LRRC4C: variants seen among roughly 807,000 people sequenced by gnomAD.
The protein encoded by LRRC4C is leucine rich repeat containing 4C.
A neutral mutation model predicts 33.6 loss-of-function variants in LRRC4C; 5 were observed. That is an observed-to-expected ratio of 0.15 (90% CI 0.08 to 0.31). The LOEUF (loss-of-function observed/expected upper bound fraction) is 0.31, where lower values mean the gene tolerates loss of function less well. Among genes scored for constraint, LRRC4C ranks in the 10% least tolerant of loss-of-function variants. The pLI is 1.00. For synonymous variants in LRRC4C, 329 were observed against 302.0 expected (o/e 1.09, Z -0.93); for missense variants, 560 against 796.7 (o/e 0.70, Z 3.58).
At chr11:40,618,668 C>T (rs1467237923) in intron 3 of LRRC4C, among the ~76,000 whole-genome samples, 2 of 151,688 alleles carry the variant, frequency 1.3e-5, no homozygotes, top group African/African-American at 4.8e-5. Context: ...ATGAGCCTGC[C>T]ATGCTATCGC....
At chr11:40,226,281 C>A (rs903678315) in intron 5 of LRRC4C, among the ~76,000 whole-genome samples, 1 of 152,118 alleles carries the variant, frequency 6.6e-6, no homozygotes, top group Non-Finnish European at 1.5e-5. Context: ...AGTATTAGGC[C>A]AATACGTTCA....
intron 1 of LRRC4C, among the ~76,000 whole-genome samples, chr11:41,057,742 A>G (rs192946358): frequency 2.6e-4 from 40 of 152,268 alleles, no homozygotes; most frequent in African/African-American, 8.2e-4. Flanking sequence ...GCCTGCAGAG[A>G]GAAGCCATTC....
At chr11:40,870,148 C>T (rs1167084338) in intron 2 of LRRC4C, among the ~76,000 whole-genome samples, 2 of 152,136 alleles carry the variant, frequency 1.3e-5, no homozygotes, top group African/African-American at 4.8e-5. Context: ...AAGAAAACAA[C>T]AAGCCATGTG....
intron 1 of LRRC4C, among the ~76,000 whole-genome samples, chr11:41,121,704 T>C (rs1942440422): frequency 2.6e-5 from 4 of 151,914 alleles, no homozygotes; most frequent in Admixed American, 2.6e-4. Context: ...CAGGAGGGGG[T>C]TAGAACACAT....
intron 3 of LRRC4C, among the ~76,000 whole-genome samples, chr11:40,378,353 C>A (rs192937457): frequency 9.2e-5 from 14 of 152,012 alleles, no homozygotes; most frequent in Middle Eastern, 3.4e-3. Flanking sequence ...TTATCATAAT[C>A]ATAATTGAAG....
intron 1 of LRRC4C, among the ~76,000 whole-genome samples, chr11:41,328,141 C>T (rs1435468995): frequency 6.6e-6 from 1 of 152,156 alleles, no homozygotes; most frequent in Non-Finnish European, 1.5e-5. Flanking sequence ...CCCTACTACT[C>T]TGCCACATTG....
At chr11:40,929,232 T>C (rs1325380828) in intron 2 of LRRC4C, among the ~76,000 whole-genome samples, 1 of 152,142 alleles carries the variant, frequency 6.6e-6, no homozygotes, top group East Asian at 1.9e-4. Context: ...TTTTGGCAAA[T>C]ATGGCCATCC....
At chr11:40,151,013 A>C (rs1196607336) in intron 5 of LRRC4C, among the ~76,000 whole-genome samples, 1 of 152,128 alleles carries the variant, frequency 6.6e-6, no homozygotes, top group Admixed American at 6.5e-5. Context: ...CCCCACTGCC[A>C]TGCTCCATAT....
At chr11:41,066,506 G>A (rs533869409) in intron 1 of LRRC4C, among the ~76,000 whole-genome samples, 44 of 152,224 alleles carry the variant, frequency 2.9e-4, no homozygotes, top group African/African-American at 7.9e-4. Context: ...GGATATTATC[G>A]AGGAGAACTT....
At chr11:40,401,303 A>G (rs550908453) in intron 3 of LRRC4C, among the ~76,000 whole-genome samples, 1 of 151,954 alleles carries the variant, frequency 6.6e-6, no homozygotes, top group South Asian at 2.1e-4. Context: ...AAACATCTGA[A>G]TCTGCCTTTC....
intron 3 of LRRC4C, among the ~76,000 whole-genome samples, chr11:40,415,059 C>A (rs1406671885): frequency 6.6e-6 from 1 of 152,186 alleles, no homozygotes; most frequent in Admixed American, 6.5e-5. Flanking sequence ...TGTATTCCAT[C>A]TGTTGCTTCA....
chr11:41,311,835 A>T (rs913504858), intron 1 of LRRC4C, among the ~76,000 whole-genome samples: 1 of 152,164 alleles, frequency 6.6e-6, no homozygotes, highest in Admixed American at 6.5e-5. Context: ...TGTGTCATAG[A>T]TCTCACATAT....
intron 2 of LRRC4C, among the ~76,000 whole-genome samples, chr11:40,785,485 A>C (rs1448198399): frequency 3.3e-5 from 5 of 152,184 alleles, no homozygotes; most frequent in African/African-American, 9.6e-5. Flanking sequence ...ATAGTTTACT[A>C]GAGAAATAAT....
intron 2 of LRRC4C, among the ~76,000 whole-genome samples, chr11:40,904,564 T>C (rs922098807): frequency 1.3e-5 from 2 of 152,192 alleles, no homozygotes; most frequent in Non-Finnish European, 2.9e-5. Flanking sequence ...GTTAAAAATA[T>C]TGGTCCCTGT....
At chr11:40,193,629 TTCAGAAGGTGGGTAATAACAA>T (rs1259067473) in intron 5 of LRRC4C, among the ~76,000 whole-genome samples, 1 of 151,994 alleles carries the variant, frequency 6.6e-6, no homozygotes, top group Non-Finnish European at 1.5e-5. Flanking sequence ...AGAAGAAGGC[TTCAGAAGGTGGGTAATAACAA>T]ACTCATCCAA....
At chr11:41,063,616 G>A (rs1271496697) in intron 1 of LRRC4C, among the ~76,000 whole-genome samples, 2 of 152,158 alleles carry the variant, frequency 1.3e-5, no homozygotes, top group African/African-American at 4.8e-5. Flanking sequence ...AGGCCCTGAA[G>A]AGAGCATAAC....
chr11:40,342,541 C>A (rs1185687885), intron 3 of LRRC4C, among the ~76,000 whole-genome samples: 3 of 151,930 alleles, frequency 2.0e-5, no homozygotes, highest in African/African-American at 4.8e-5. Flanking sequence ...TACTGCGATT[C>A]AGTAGAAAAT....
intron 2 of LRRC4C, among the ~76,000 whole-genome samples, chr11:40,654,565 C>T (rs1464679905): frequency 6.6e-6 from 1 of 152,174 alleles, no homozygotes; most frequent in African/African-American, 2.4e-5. Context: ...TGCCTGGACT[C>T]CCATTGTATC....
rs377693904 is a variant in LRRC4C, at chr11:41,420,582, G to C, written c.-496+38849C>G. Among the ~76,000 whole-genome samples, 9 of 152,056 alleles carry C rather than the reference G, an allele frequency of 5.9e-5. No homozygotes were observed. In the East Asian group the frequency reaches 1.5e-3, roughly 26 times the overall value. On this transcript the variant is annotated intron_variant, in intron 1 of 6. Coordinates refer to ENST00000528697, the MANE Select transcript of LRRC4C (RefSeq NM_001258419.2). Reference sequence around the variant, plus strand: ...ATATAAACACTTTTTAATTTCGTTGGTGCTTTTTGTCCTACGAAAAATTCA... The same window carrying C: ...ATATAAACACTTTTTAATTTCGTTGCTGCTTTTTGTCCTACGAAAAATTCA...
Sources: gnomAD v4.1 joint callset for allele counts (sites outside exome capture counted in the v4.1 genomes callset) on GRCh38, gnomAD v4.1.1 for gene constraint, MANE v1.5 for transcripts, NCBI Gene and HGNC (gene_info 2026-07-23, HGNC 2026-07-21) for gene names.